MET: variants seen among roughly 807,000 people sequenced by gnomAD.
MET encodes the protein hepatocyte growth factor receptor.
A neutral mutation model predicts 133.1 loss-of-function variants in MET; 48 were observed. The ratio of observed to expected loss-of-function variants is 0.36; its 90% confidence interval spans 0.29 to 0.46. The LOEUF is 0.46. Ranked by LOEUF, MET falls within the 20% of genes least tolerant of loss-of-function variation. The probability of loss-of-function intolerance (pLI) is 1.00; values close to 1 mark genes in which losing one functional copy is unlikely to be tolerated. For synonymous variants in MET, 628 were observed against 616.5 expected, an observed-to-expected ratio of 1.02 and a Z score of -0.28; for missense variants, 1,442 against 1,695.9, an observed-to-expected ratio of 0.85 and a Z score of 2.63.
Position 116,796,332 on chromosome 7 carries a change from A to C in MET, c.*208A>C. On this transcript the variant is annotated 3_prime_UTR_variant, in exon 21 of 21. Coordinates refer to ENST00000397752, the MANE Select transcript of MET (RefSeq NM_000245.4). ...GCTTGGTCCCACAGGCCACGGACCA[A>C]TGGCCTGCAGCCGTGACAACACTCC... The C allele has an allele frequency of 1.7e-6, 1 of 598,472 alleles. No individual in the cohort carries two copies. 37.1% of individuals were successfully genotyped at this position (598,472 alleles called of 1,614,324 possible).
intron 2 of MET, among the ~76,000 whole-genome samples, chr7:116,710,649 G>GA (rs904995215): frequency 6.6e-6 from 1 of 151,404 alleles, no homozygotes; most frequent in African/African-American, 2.4e-5. Flanking sequence ...ACAGATCACA[G>GA]AAAAAAATGT....
intron 12 of MET, among the ~76,000 whole-genome samples, chr7:116,770,241 T>C (rs1003841607): frequency 1.2e-4 from 18 of 152,228 alleles, no homozygotes; most frequent in Non-Finnish European, 2.2e-4. Flanking sequence ...AGTAACTTTT[T>C]TCGTGTAGAC....
intron 19 of MET, among the ~76,000 whole-genome samples, chr7:116,786,011 C>T (rs915874823): frequency 6.6e-6 from 1 of 152,224 alleles, no homozygotes; most frequent in East Asian, 1.9e-4. Flanking sequence ...TCAGCCTGGG[C>T]TGTCATACAA....
chr7:116,685,844 T>C (rs994408280), intron 1 of MET, among the ~76,000 whole-genome samples: 1 of 152,136 alleles, frequency 6.6e-6, no homozygotes, highest in African/African-American at 2.4e-5. Context: ...ATATTCTCCT[T>C]TTTTTCTCAC....
At position 116,778,940 on chromosome 7, in the gene MET, AT is replaced by A; in HGVS notation, c.3507del (p.Arg1170GlufsTer9). 2 of 1,613,858 alleles carry A rather than the reference AT, an allele frequency of 1.2e-6. No individual in the cohort carries two copies. The highest frequency in any genetic ancestry group is 1.1e-5 in the South Asian group (1 of 91,062). ...YMKHGDLRNFIRNETHNPTVK... is the reference protein window; with the variant it reads ...YMKHGDLRNFXRNETHNPTVK... ...GAAACATGGAGATCTTCGAAATTTC[AT>A]TCGAAATGAGACTCATGTAAGTTGA... is the stretch of plus-strand genomic sequence containing the variant. On this transcript the variant is annotated frameshift_variant, in exon 17 of 21. Transcript: ENST00000397752. LOFTEE classifies it high-confidence loss of function.
At chr7:116,744,525 A>T (rs1291860796) in intron 5 of MET, among the ~76,000 whole-genome samples, 1 of 152,232 alleles carries the variant, frequency 6.6e-6, no homozygotes, top group Non-Finnish European at 1.5e-5. Flanking sequence ...AACCTCCAAG[A>T]AATATGCGAC....
rs111900049 is a variant in MET, at chr7:116,707,217, G to T, written c.1200+6933G>T. Among the ~76,000 whole-genome samples the T allele has an allele frequency of 1.2e-3, 178 of 152,034 alleles. 2 individuals are homozygous for T. The highest frequency in any genetic ancestry group is 4.2e-3 in the African/African-American group (173 of 41,484). ...CAATTGCATGCTAATTTAGACCAAA[G>T]CTTTGTTTTAACCATTCTTGGTGAT... is the stretch of plus-strand genomic sequence containing the variant. On this transcript the variant is annotated intron_variant, in intron 2 of 20. Coordinates refer to ENST00000397752, the MANE Select transcript of MET (RefSeq NM_000245.4).
intron 1 of MET, among the ~76,000 whole-genome samples, chr7:116,677,716 A>G (rs1232637074): frequency 1.3e-5 from 2 of 152,250 alleles, no homozygotes; most frequent in Non-Finnish European, 2.9e-5. Context: ...TTCTCAGAAA[A>G]TTAACTAAAC....
chr7:116,700,039 G>A lies in MET; in HGVS notation c.955G>A (p.Ala319Thr), dbSNP rs545332056. The A allele has an allele frequency of 6.2e-7, 1 of 1,613,980 alleles. No homozygotes were observed. Among genetic ancestry groups the A allele is most frequent in the Admixed American group, 1.7e-5 (1 of 59,970 alleles). The part of the protein sequence containing the change: ...TKKEVFNILQ[A>T]AYVSKPGAQL... ...GAAGGAAGTGTTTAATATACTTCAG[G>A]CTGCGTATGTCAGCAAGCCTGGGGC... The change falls in exon 2 of 21, where the codon GCT becomes ACT. Residue 319 changes from alanine (A) to threonine (T), a missense_variant. This residue lies in a region of MET where 762 missense variants were observed against 792.4 expected (regional missense o/e 0.96). Transcript: ENST00000397752.
chr7:116,688,681 A>G (rs147361638), intron 1 of MET, among the ~76,000 whole-genome samples: 16 of 152,342 alleles, frequency 1.1e-4, no homozygotes, highest in Non-Finnish European at 1.9e-4. Context: ...CAGAATATGA[A>G]TTTATAAAGG....
chr7:116,744,785 G>A lies in MET; in HGVS notation c.1701+3760G>A, dbSNP rs188176286. Reference sequence around the variant, plus strand: ...GAAGGAAAAAATGTTAAGGGCAGCCGGAGAGAAAAGTCGGGTTACCCACAA... The same window carrying A: ...GAAGGAAAAAATGTTAAGGGCAGCCAGAGAGAAAAGTCGGGTTACCCACAA... On this transcript the variant is annotated intron_variant, in intron 5 of 20. Transcript: ENST00000397752. Among the ~76,000 whole-genome samples the A allele has an allele frequency of 1.2e-3, 176 of 152,120 alleles. 2 individuals carry two copies. Among genetic ancestry groups the A allele is most frequent in the African/African-American group, 3.2e-3 (132 of 41,510 alleles).
chr7:116,740,713 C>T, intron 4 of MET, 139 bp from the exon 5 acceptor site: 1 of 1,023,574 alleles, frequency 9.8e-7, no homozygotes, highest in South Asian at 1.4e-5. Flanking sequence ...ACCGTTATGA[C>T]AGGATTTGCA....
At chr7:116,734,930 T>C (rs1793155085) in intron 3 of MET, among the ~76,000 whole-genome samples, 1 of 152,164 alleles carries the variant, frequency 6.6e-6, no homozygotes, top group Admixed American at 6.5e-5. Flanking sequence ...AGAACAATGC[T>C]TCCTTGATTT....
chr7:116,754,935 GAAAGAA>G (rs750874023), intron 5 of MET, among the ~76,000 whole-genome samples: 4 of 132,284 alleles, frequency 3.0e-5, no homozygotes, highest in Admixed American at 8.3e-5. Context: ...AAGAAAGAAA[GAAAGAA>G]AGAAAGAAAG....
chr7:116,686,549 A>G (rs1228808955), intron 1 of MET, among the ~76,000 whole-genome samples: 1 of 152,176 alleles, frequency 6.6e-6, no homozygotes, highest in African/African-American at 2.4e-5. Context: ...GTTCCACAAG[A>G]GCAGGGGTGT....
At chr7:116,718,257 C>T (rs1041018209) in intron 2 of MET, among the ~76,000 whole-genome samples, 14 of 151,862 alleles carry the variant, frequency 9.2e-5, no homozygotes, top group Admixed American at 3.3e-4. Context: ...GATATGGTGG[C>T]GGGCACCTGT....
intron 14 of MET, among the ~76,000 whole-genome samples, chr7:116,772,971 A>G (rs1194512343): frequency 6.6e-6 from 1 of 152,176 alleles, no homozygotes; most frequent in Non-Finnish European, 1.5e-5. Context: ...ATTTAGATCT[A>G]TTTAGTATTT....
intron 3 of MET, among the ~76,000 whole-genome samples, chr7:116,733,211 T>G (rs1039500672): frequency 6.6e-6 from 1 of 152,130 alleles, no homozygotes; most frequent in Non-Finnish European, 1.5e-5. Context: ...TTGTTCTGTG[T>G]TTATACATGT....
At chr7:116,730,908 T>C (rs1792979220) in intron 2 of MET, among the ~76,000 whole-genome samples, 1 of 152,172 alleles carries the variant, frequency 6.6e-6, no homozygotes. Context: ...TTGTTTTTAT[T>C]GCGTGGGAGG....
Sources: gnomAD v4.1 joint callset for allele counts (sites outside exome capture counted in the v4.1 genomes callset) on GRCh38, gnomAD v4.1.1 for gene constraint, gnomAD v4.1.1 regional missense constraint, MANE v1.5 for transcripts, NCBI Gene and HGNC (gene_info 2026-07-23, HGNC 2026-07-21) for gene names.